Variants in CTNNA2 observed in about 807,000 individuals in gnomAD.
CTNNA2 encodes the protein catenin alpha 2.
A neutral mutation model predicts 101.0 loss-of-function variants in CTNNA2; 42 were observed. The ratio of observed to expected loss-of-function variants is 0.42; its 90% CI spans 0.32 to 0.54. The LOEUF is 0.54. CTNNA2 is among the 20% of genes least tolerant of loss of function. CTNNA2 has a pLI of 0.14. For synonymous variants in CTNNA2, 450 were observed against 456.4 expected (o/e 0.99, Z 0.18); for missense variants, 871 against 1,223.1 (o/e 0.71, Z 4.29).
intron 4 of CTNNA2, among the ~76,000 whole-genome samples, chr2:79,452,467 C>T (rs893829881): frequency 8.6e-5 from 13 of 151,806 alleles, no homozygotes; most frequent in South Asian, 6.2e-4. Flanking sequence ...ATAACCGTGG[C>T]GCATAATTCA....
At chr2:80,232,443 T>A (rs1035015249) in intron 7 of CTNNA2, among the ~76,000 whole-genome samples, 10 of 143,956 alleles carry the variant, frequency 6.9e-5, no homozygotes, top group African/African-American at 2.5e-4. Context: ...TTCCCCACCC[T>A]TCTCCTTCTT....
intron 9 of CTNNA2, among the ~76,000 whole-genome samples, chr2:80,540,896 A>G (rs1489356478): frequency 2.0e-5 from 3 of 152,104 alleles, no homozygotes; most frequent in Non-Finnish European, 4.4e-5. Context: ...AAGTTTTGCC[A>G]CATTTCCCAG....
intron 3 of CTNNA2, among the ~76,000 whole-genome samples, chr2:79,771,931 C>A (rs988520468): frequency 6.6e-6 from 1 of 152,068 alleles, no homozygotes; most frequent in South Asian, 2.1e-4. Flanking sequence ...ATAAAAATCC[C>A]GTGTTAAAGA....
intron 7 of CTNNA2, among the ~76,000 whole-genome samples, chr2:80,271,239 A>G (rs960903930): frequency 1.3e-5 from 2 of 152,188 alleles, no homozygotes; most frequent in African/African-American, 4.8e-5. Flanking sequence ...TATATTTGTA[A>G]CATATGTAGT....
intron 15 of CTNNA2, among the ~76,000 whole-genome samples, chr2:80,600,515 G>C (rs1233730602): frequency 6.6e-6 from 1 of 151,918 alleles, no homozygotes; most frequent in East Asian, 1.9e-4. Flanking sequence ...AGAGTCAATA[G>C]AAACATATGC....
At chr2:79,383,907 C>T (rs144612843) in intron 4 of CTNNA2, among the ~76,000 whole-genome samples, 43 of 152,210 alleles carry the variant, frequency 2.8e-4, no homozygotes, top group Non-Finnish European at 5.4e-4. Flanking sequence ...CTATTGACAG[C>T]AGCAAGGAAC....
intron 12 of CTNNA2, among the ~76,000 whole-genome samples, chr2:80,565,191 T>A (rs1461367337): frequency 6.6e-6 from 1 of 152,158 alleles, no homozygotes; most frequent in South Asian, 2.1e-4. Context: ...TGGAAGTTAC[T>A]ACTTTGTTGG....
intron 2 of CTNNA2, among the ~76,000 whole-genome samples, chr2:79,261,067 C>T (rs1674914984): frequency 6.6e-6 from 1 of 152,106 alleles, no homozygotes; most frequent in African/African-American, 2.4e-5. Flanking sequence ...TATTGGGACC[C>T]ATCAATGTAG....
At chr2:80,035,699 A>C (rs1021537841) in intron 7 of CTNNA2, among the ~76,000 whole-genome samples, 1 of 152,208 alleles carries the variant, frequency 6.6e-6, no homozygotes, top group Non-Finnish European at 1.5e-5. Flanking sequence ...AAAAGAAGGA[A>C]GTAAAATTCA....
intron 6 of CTNNA2, among the ~76,000 whole-genome samples, chr2:79,895,826 T>C (rs1684676232): frequency 6.6e-6 from 1 of 152,156 alleles, no homozygotes; most frequent in African/African-American, 2.4e-5. Flanking sequence ...GTAAAAATTA[T>C]TATTAGCTTT....
intron 4 of CTNNA2, among the ~76,000 whole-genome samples, chr2:79,439,421 A>G (rs1678754125): frequency 6.6e-6 from 1 of 152,204 alleles, no homozygotes; most frequent in Admixed American, 6.5e-5. Flanking sequence ...AGAAGACAGG[A>G]GAATGGTGTC....
intron 9 of CTNNA2, among the ~76,000 whole-genome samples, chr2:80,463,973 T>A (rs763473323): frequency 1.7e-4 from 26 of 152,290 alleles, no homozygotes; most frequent in Non-Finnish European, 3.2e-4. Flanking sequence ...TCCTTTTTCA[T>A]CTTCTGCCTC....
intron 4 of CTNNA2, among the ~76,000 whole-genome samples, chr2:79,492,508 T>C (rs1671215319): frequency 6.6e-6 from 1 of 152,078 alleles, no homozygotes; most frequent in African/African-American, 2.4e-5. Flanking sequence ...ATTGTTCATA[T>C]TATGTACAAG....
chr2:79,919,645 A>C (rs572542317), intron 7 of CTNNA2, among the ~76,000 whole-genome samples: 25 of 152,316 alleles, frequency 1.6e-4, no homozygotes, highest in Admixed American at 1.4e-3. Context: ...TGTCAGGGAG[A>C]GCAGCAGGCT....
At chr2:79,487,041 A>T (rs944275588) in intron 4 of CTNNA2, among the ~76,000 whole-genome samples, 1 of 152,236 alleles carries the variant, frequency 6.6e-6, no homozygotes, top group African/African-American at 2.4e-5. Context: ...AGAGGAAAAC[A>T]TAATAAATTT....
In CTNNA2 at chr2:79,299,301, C is replaced by T. The variant is rs530016675; in HGVS notation, c.-405-13408C>T. Among the ~76,000 whole-genome samples, 8 of 152,190 alleles carry T rather than the reference C, an allele frequency of 5.3e-5. No homozygotes were observed. In the South Asian group the frequency reaches 1.2e-3, roughly 24 times the overall value. The stretch of plus-strand genomic sequence containing the variant: ...TCTGCAAGTGATGGAAGAGTCTAAT[C>T]CTTGGATTTAGTTTATTAGTTTGTT... On this transcript the variant is annotated intron_variant, in intron 2 of 21. Coordinates refer to the CTNNA2 transcript ENST00000466387.
At chr2:80,400,057 G>T (rs1678414548) in intron 8 of CTNNA2, among the ~76,000 whole-genome samples, 2 of 152,152 alleles carry the variant, frequency 1.3e-5, no homozygotes, top group African/African-American at 4.8e-5. Context: ...AGTGTGTGGT[G>T]CATCTACCAT....
At chr2:79,515,811 G>C (rs1269424077) in intron 1 of CTNNA2, among the ~76,000 whole-genome samples, 3 of 152,042 alleles carry the variant, frequency 2.0e-5, no homozygotes, top group Non-Finnish European at 4.4e-5. Flanking sequence ...TAGTTGACTG[G>C]ACCTTTAAAA....
At chr2:79,667,677 G>GA (rs1573619531) in intron 2 of CTNNA2, among the ~76,000 whole-genome samples, 1 of 152,144 alleles carries the variant, frequency 6.6e-6, no homozygotes, top group African/African-American at 2.4e-5. Context: ...TCTGTAACAT[G>GA]AAAATGAATT....
Sources: gnomAD v4.1 joint callset for allele counts (sites outside exome capture counted in the v4.1 genomes callset) on GRCh38, gnomAD v4.1.1 for gene constraint, MANE v1.5 for transcripts, NCBI Gene and HGNC (gene_info 2026-07-23, HGNC 2026-07-21) for gene names.